Variants in PTPRM observed in about 807,000 individuals in gnomAD.
The protein encoded by PTPRM is protein tyrosine phosphatase receptor type M, also known as receptor-type tyrosine-protein phosphatase mu.
Under a neutral mutation model 186.7 loss-of-function variants are expected in PTPRM, and 47 were observed. That is an observed-to-expected ratio of 0.25 (90% CI 0.20 to 0.32). The LOEUF is 0.32. Among genes scored for constraint, PTPRM ranks in the 10% least tolerant of loss-of-function variants. PTPRM has a pLI of 1.00. For missense variants in PTPRM, 1,494 were observed against 1,865.0 expected (o/e 0.80, Z 3.66); for synonymous variants, 668 against 674.9 (o/e 0.99, Z 0.16).
At chr18:8,240,546 G>GAAGA (rs1166972876) in intron 14 of PTPRM, among the ~76,000 whole-genome samples, 1 of 116,304 alleles carries the variant, frequency 8.6e-6, no homozygotes, top group East Asian at 2.7e-4. Context: ...AGGAAGGAAG[G>GAAGA]AAGGAAAGAA....
intron 14 of PTPRM, among the ~76,000 whole-genome samples, chr18:8,188,262 AAGGC>A (rs1363239189): frequency 2.6e-5 from 4 of 152,210 alleles, no homozygotes; most frequent in Non-Finnish European, 5.9e-5. Context: ...AGTCAGAGGA[AAGGC>A]TCCTCCCATA....
chr18:8,085,987 C>A, intron 10 of PTPRM, 115 bp downstream of exon 10: 1 of 962,392 alleles, frequency 1.0e-6, no homozygotes, highest in South Asian at 1.5e-5. Flanking sequence ...CAAAGGAATA[C>A]TCCTGGATGC....
chr18:8,248,105 C>G (rs560386696), intron 16 of PTPRM, 45 bp from the exon 17 acceptor site: 3 of 1,514,086 alleles, frequency 2.0e-6, no homozygotes, highest in Admixed American at 1.7e-5. Flanking sequence ...ACTGTTCTTT[C>G]TCTTTTTACT....
chr18:7,880,764 G>A (rs144992685), intron 2 of PTPRM, among the ~76,000 whole-genome samples: 1 of 152,180 alleles, frequency 6.6e-6, no homozygotes, highest in Non-Finnish European at 1.5e-5. Flanking sequence ...AGCTGTGTCA[G>A]TACTGACTGA....
At chr18:8,171,584 A>G (rs1489249527) in intron 14 of PTPRM, among the ~76,000 whole-genome samples, 5 of 152,190 alleles carry the variant, frequency 3.3e-5, no homozygotes, top group African/African-American at 4.8e-5. Flanking sequence ...GTTTGTTTCT[A>G]TGTCCATGTC....
At chr18:7,996,965 A>G (rs896992902) in intron 7 of PTPRM, among the ~76,000 whole-genome samples, 19 of 152,148 alleles carry the variant, frequency 1.2e-4, no homozygotes, top group Non-Finnish European at 8.8e-5. Context: ...TACCTGTATT[A>G]CCTAAAGCAA....
intron 1 of PTPRM, among the ~76,000 whole-genome samples, chr18:7,679,732 T>C (rs1461894670): frequency 6.6e-6 from 1 of 152,130 alleles, no homozygotes; most frequent in Non-Finnish European, 1.5e-5. Flanking sequence ...ATATGTAAAA[T>C]TTGTATAGTC....
At chr18:7,599,798 T>G (rs913009250) in intron 1 of PTPRM, among the ~76,000 whole-genome samples, 6 of 152,182 alleles carry the variant, frequency 3.9e-5, no homozygotes, top group Non-Finnish European at 8.8e-5. Flanking sequence ...CCTCCCTTCT[T>G]GTGGCACCCT....
chr18:7,862,542 G>A (rs2047445873), intron 2 of PTPRM, among the ~76,000 whole-genome samples: 1 of 152,142 alleles, frequency 6.6e-6, no homozygotes, highest in South Asian at 2.1e-4. Flanking sequence ...ACCTCCCAGG[G>A]ATTTCTCTGA....
chr18:7,995,296 C>A (rs958028126), intron 7 of PTPRM, among the ~76,000 whole-genome samples: 3 of 152,078 alleles, frequency 2.0e-5, no homozygotes, highest in Non-Finnish European at 2.9e-5. Flanking sequence ...AGCCTCCCAA[C>A]AAAGAAAAGC....
rs142965235 is a variant in PTPRM, at chr18:8,110,609, C to T, written c.1857-2877C>T. On this transcript the variant is annotated intron_variant, in intron 11 of 32. Transcript: ENST00000580170. ...GAGAGGTGGGAAGATCACAGTGCTC[C>T]GAGGACACCAGCCCGGTGCTAAAGT... Among the ~76,000 whole-genome samples the T allele has an allele frequency of 9.2e-3, 1,407 of 152,186 alleles. 25 individuals are homozygous for T. Among genetic ancestry groups the T allele is most frequent in the African/African-American group, 0.033 (1,357 of 41,512 alleles).
intron 7 of PTPRM, among the ~76,000 whole-genome samples, chr18:8,054,758 T>G (rs1002517943): frequency 6.6e-6 from 1 of 151,388 alleles, no homozygotes; most frequent in Non-Finnish European, 1.5e-5. Flanking sequence ...TTCTAGCATC[T>G]CAGACCTTCT....
At chr18:7,586,321 G>GTATT (rs2036978908) in intron 1 of PTPRM, among the ~76,000 whole-genome samples, 1 of 152,140 alleles carries the variant, frequency 6.6e-6, no homozygotes, top group African/African-American at 2.4e-5. Flanking sequence ...AATGGTTCAG[G>GTATT]TATTGTAAGT....
At chr18:7,965,082 A>C (rs1599754543) in intron 7 of PTPRM, among the ~76,000 whole-genome samples, 1 of 128,778 alleles carries the variant, frequency 7.8e-6, no homozygotes, top group African/African-American at 3.0e-5. Context: ...TTGTGTACCC[A>C]GGCTGGAGTG....
At chr18:8,377,273 C>G (rs1385894898) in intron 26 of PTPRM, 1 of 152,112 alleles carries the variant, frequency 6.6e-6, no homozygotes, top group Non-Finnish European at 1.5e-5. Flanking sequence ...AAGTAAGAAT[C>G]CCTTACATTT....
intron 13 of PTPRM, among the ~76,000 whole-genome samples, chr18:8,142,621 G>A (rs761389346): frequency 1.4e-4 from 21 of 152,054 alleles, no homozygotes; most frequent in Non-Finnish European, 2.5e-4. Flanking sequence ...GGAAAGAGCT[G>A]GTTTACAAAC....
intron 1 of PTPRM, among the ~76,000 whole-genome samples, chr18:7,666,846 A>C (rs553626137): frequency 6.6e-6 from 1 of 152,302 alleles, no homozygotes; most frequent in Non-Finnish European, 1.5e-5. Flanking sequence ...TCTTGAGAGA[A>C]CTAGGGATTT....
At chr18:7,895,582 G>A (rs958783882) in intron 3 of PTPRM, among the ~76,000 whole-genome samples, 3 of 152,154 alleles carry the variant, frequency 2.0e-5, no homozygotes, top group East Asian at 3.9e-4. Flanking sequence ...CAAGGACCAG[G>A]TGCCCTTGGG....
At chr18:8,237,411 G>T in intron 14 of PTPRM, among the ~76,000 whole-genome samples, 1 of 141,544 alleles carries the variant, frequency 7.1e-6, no homozygotes, top group African/African-American at 2.6e-5. Flanking sequence ...AGGCAGATCT[G>T]CTGGCAACTG....
Sources: allele counts gnomAD v4.1 joint callset (sites outside exome capture counted in the v4.1 genomes callset), GRCh38; gene constraint gnomAD v4.1.1; transcripts MANE v1.5; gene names NCBI Gene and HGNC (gene_info 2026-07-23, HGNC 2026-07-21).